Variants in NAALADL2 observed in about 807,000 individuals in gnomAD.
NAALADL2 encodes inactive N-acetylated-alpha-linked acidic dipeptidase-like protein 2.
In NAALADL2, 76 loss-of-function variants were observed where a neutral mutation model predicts 87.2. The ratio of observed to expected loss-of-function variants is 0.87; its 90% CI spans 0.72 to 1.05. The LOEUF is 1.05. NAALADL2 is among the 50% of genes least tolerant of loss of function. The pLI is 0.00. For synonymous variants in NAALADL2, 354 were observed against 331.0 expected, an observed-to-expected ratio of 1.07 and a Z score of -0.75; for missense variants, 1,089 against 945.8, an observed-to-expected ratio of 1.15 and a Z score of -1.99.
intron 1 of NAALADL2, among the ~76,000 whole-genome samples, chr3:175,080,688 G>C (rs1190104412): frequency 6.6e-6 from 1 of 152,116 alleles, no homozygotes; most frequent in East Asian, 1.9e-4. Flanking sequence ...TATCTGTGTG[G>C]AAAGAACAAA....
chr3:175,789,930 T>A (rs1318351364), intron 13 of NAALADL2, among the ~76,000 whole-genome samples: 1 of 152,116 alleles, frequency 6.6e-6, no homozygotes, highest in African/African-American at 2.4e-5. Context: ...TTTAATAAAT[T>A]AATAATGGAT....
chr3:175,348,219 T>C (rs1024014671), intron 5 of NAALADL2, among the ~76,000 whole-genome samples: 8 of 152,088 alleles, frequency 5.3e-5, no homozygotes, highest in Non-Finnish European at 1.0e-4. Context: ...GCCCAGCTAA[T>C]TTTGTATTTT....
intron 1 of NAALADL2, among the ~76,000 whole-genome samples, chr3:175,043,711 T>A (rs999854810): frequency 1.3e-5 from 2 of 152,182 alleles, no homozygotes; most frequent in Non-Finnish European, 2.9e-5. Flanking sequence ...ATTTCTGGGC[T>A]CTCATTTCTC....
chr3:175,234,271 A>T, intron 3 of NAALADL2, 67 bp downstream of exon 3: 1 of 1,493,340 alleles, frequency 6.7e-7, no homozygotes, highest in Non-Finnish European at 9.1e-7. Flanking sequence ...CTTTCATCTA[A>T]ATTGAACTAA....
chr3:175,133,393 C>T (rs1042838677), intron 2 of NAALADL2, among the ~76,000 whole-genome samples: 1 of 151,930 alleles, frequency 6.6e-6, no homozygotes, highest in Non-Finnish European at 1.5e-5. Context: ...GAGGTTGTAG[C>T]GAGCCGATAT....
At chr3:175,177,497 G>A (rs1307201580) in intron 2 of NAALADL2, among the ~76,000 whole-genome samples, 4 of 152,014 alleles carry the variant, frequency 2.6e-5, no homozygotes, top group African/African-American at 9.7e-5. Flanking sequence ...AAAATTATTG[G>A]AATGAATTTG....
intron 7 of NAALADL2, among the ~76,000 whole-genome samples, chr3:175,463,701 GGAGAGAGAGAGAGAGA>G (rs10591566): frequency 7.8e-5 from 9 of 115,486 alleles, no homozygotes; most frequent in Non-Finnish European, 1.0e-4. Context: ...CTTAGTCGGG[GGAGAGAGAGAGAGAGA>G]GAGAGAGAGA....
intron 3 of NAALADL2, among the ~76,000 whole-genome samples, chr3:174,750,079 T>G: frequency 6.6e-6 from 1 of 152,238 alleles, no homozygotes; most frequent in East Asian, 1.9e-4. Context: ...TCTTTCCAGT[T>G]TTTGCCCAAG....
At chr3:175,090,036 A>C (rs1719787361) in intron 1 of NAALADL2, among the ~76,000 whole-genome samples, 1 of 152,044 alleles carries the variant, frequency 6.6e-6, no homozygotes. Context: ...CACTTCCTAC[A>C]CTCTGAAGGT....
At chr3:175,770,186 G>A (rs1749299984) in intron 13 of NAALADL2, among the ~76,000 whole-genome samples, 1 of 152,166 alleles carries the variant, frequency 6.6e-6, no homozygotes, top group Non-Finnish European at 1.5e-5. Flanking sequence ...CAGAGATCAT[G>A]TTGGTGGGAA....
At chr3:175,594,117 A>G (rs1274729508) in intron 10 of NAALADL2, among the ~76,000 whole-genome samples, 1 of 152,098 alleles carries the variant, frequency 6.6e-6, no homozygotes, top group Non-Finnish European at 1.5e-5. Flanking sequence ...AATACCCAAT[A>G]GGTAGGTTTT....
At chr3:175,173,059 G>A (rs927256607) in intron 2 of NAALADL2, among the ~76,000 whole-genome samples, 5 of 151,944 alleles carry the variant, frequency 3.3e-5, no homozygotes, top group Non-Finnish European at 7.4e-5. Context: ...GGGAGGCCAG[G>A]GTGAGTGGAT....
chr3:175,150,093 C>T (rs1350133443), intron 2 of NAALADL2, among the ~76,000 whole-genome samples: 4 of 152,166 alleles, frequency 2.6e-5, no homozygotes, highest in Non-Finnish European at 4.4e-5. Flanking sequence ...TATGTTTTCT[C>T]AATTTTGCAG....
chr3:174,972,588 A>T (rs1743839352), intron 1 of NAALADL2, among the ~76,000 whole-genome samples: 1 of 152,138 alleles, frequency 6.6e-6, no homozygotes, highest in Non-Finnish European at 1.5e-5. Flanking sequence ...ACCTCTTTAA[A>T]AGCTGTATCC....
At position 175,532,550 on chromosome 3, in the gene NAALADL2, A is replaced by G. The variant is rs114458838; in HGVS notation, c.1654-43491A>G. On this transcript the variant is annotated intron_variant, in intron 9 of 13. Transcript: ENST00000454872. Reference sequence around the variant, plus strand: ...CATTCGACCTAGAAGTTTTCTGCTTACATATATTAAGTAGGAATGCAGTAG... The same window carrying G: ...CATTCGACCTAGAAGTTTTCTGCTTGCATATATTAAGTAGGAATGCAGTAG... Among the ~76,000 whole-genome samples, 782 of 152,324 alleles carry G rather than the reference A, an allele frequency of 5.1e-3. 6 individuals carry two copies. The highest frequency in any genetic ancestry group is 0.017 in the African/African-American group (719 of 41,568).
intron 2 of NAALADL2, among the ~76,000 whole-genome samples, chr3:174,569,630 T>C (rs1714688092): frequency 6.6e-6 from 1 of 152,132 alleles, no homozygotes; most frequent in Non-Finnish European, 1.5e-5. Flanking sequence ...CTGAGTTTTT[T>C]ATTTTAAAGT....
chr3:175,107,720 C>T (rs927361063), intron 2 of NAALADL2, among the ~76,000 whole-genome samples: 1 of 151,240 alleles, frequency 6.6e-6, no homozygotes, highest in African/African-American at 2.4e-5. Context: ...TTAGAAATTA[C>T]CAATGTTCAT....
chr3:175,324,062 GAAAA>G (rs1187052516), intron 4 of NAALADL2, 109 bp from the exon 5 acceptor site: 2 of 617,850 alleles, frequency 3.2e-6, no homozygotes, highest in Non-Finnish European at 5.1e-6. Flanking sequence ...AAAAGAAAAA[GAAAA>G]AAAAACTGGA....
chr3:175,585,692 AATC>A (rs1160655429), intron 10 of NAALADL2, among the ~76,000 whole-genome samples: 1 of 152,178 alleles, frequency 6.6e-6, no homozygotes, highest in African/African-American at 2.4e-5. Flanking sequence ...AATATGATAA[AATC>A]AACCTACTCT....
Sources: allele counts gnomAD v4.1 joint callset (sites outside exome capture counted in the v4.1 genomes callset), GRCh38; gene constraint gnomAD v4.1.1; transcripts MANE v1.5; gene names NCBI Gene and HGNC (gene_info 2026-07-23, HGNC 2026-07-21).